Variants in CLASP2 observed in about 807,000 individuals in gnomAD.
CLASP2 encodes CLIP-associating protein 2.
Under a neutral mutation model 194.4 loss-of-function variants are expected in CLASP2, and 47 were observed. The ratio of observed to expected loss-of-function variants is 0.24; its 90% CI spans 0.19 to 0.31. The LOEUF is 0.31. Among genes scored for constraint, CLASP2 ranks in the 10% least tolerant of loss-of-function variants. The probability of loss-of-function intolerance (pLI) is 1.00; values close to 1 mark genes in which losing one functional copy is unlikely to be tolerated. For synonymous variants in CLASP2, 619 were observed against 633.5 expected, an observed-to-expected ratio of 0.98 and a Z score of 0.34; for missense variants, 1,445 against 1,823.6, an observed-to-expected ratio of 0.79 and a Z score of 3.78.
At chr3:33,560,343 A>C (rs1014990369) in intron 28 of CLASP2, among the ~76,000 whole-genome samples, 5 of 151,948 alleles carry the variant, frequency 3.3e-5, no homozygotes, top group Admixed American at 1.3e-4. Flanking sequence ...CCCAGGTTCA[A>C]GCGATTCTCC....
At chr3:33,684,754 CTT>C (rs1433252932) in intron 5 of CLASP2, among the ~76,000 whole-genome samples, 2 of 147,852 alleles carry the variant, frequency 1.4e-5, no homozygotes, top group African/African-American at 2.5e-5. Flanking sequence ...AATCCCAGCA[CTT>C]TGGGAGGCCA....
At chr3:33,574,376 T>C (rs1197765928) in intron 24 of CLASP2, 2 of 726,800 alleles carry the variant, frequency 2.8e-6, no homozygotes, top group East Asian at 5.7e-5. Context: ...ATTTTACTTC[T>C]ACTTTGATTT....
At chr3:33,530,189 C>T (rs976093767) in intron 34 of CLASP2, among the ~76,000 whole-genome samples, 4 of 151,906 alleles carry the variant, frequency 2.6e-5, no homozygotes, top group Non-Finnish European at 5.9e-5. Flanking sequence ...AATACTAAAA[C>T]CAGGCTGTGC....
At chr3:33,610,540 T>C (rs973952651) in intron 13 of CLASP2, among the ~76,000 whole-genome samples, 10 of 152,228 alleles carry the variant, frequency 6.6e-5, no homozygotes, top group African/African-American at 2.4e-4. Flanking sequence ...TGATTTTGTC[T>C]TCTGTCACAT....
intron 6 of CLASP2, among the ~76,000 whole-genome samples, chr3:33,681,210 A>C (rs771458711): frequency 1.6e-4 from 25 of 152,160 alleles, no homozygotes; most frequent in Non-Finnish European, 2.5e-4. Flanking sequence ...ACACACAAAT[A>C]CATATGTTAA....
intron 32 of CLASP2, among the ~76,000 whole-genome samples, chr3:33,542,509 A>T (rs149774679): frequency 2.0e-3 from 301 of 149,676 alleles, no homozygotes; most frequent in African/African-American, 6.9e-3. Flanking sequence ...AAATGTAATA[A>T]ATATATATGA....
intron 3 of CLASP2, chr3:33,689,587 A>G (rs1274121786): frequency 2.8e-6 from 1 of 352,070 alleles, no homozygotes; most frequent in Non-Finnish European, 5.1e-6. Context: ...CATAATCCGT[A>G]TACTGTCAAA....
At chr3:33,660,215 C>T (rs953603030) in intron 7 of CLASP2, among the ~76,000 whole-genome samples, 4 of 152,184 alleles carry the variant, frequency 2.6e-5, no homozygotes, top group Non-Finnish European at 5.9e-5. Flanking sequence ...AGCTCCATAA[C>T]GACACCAGCG....
At chr3:33,501,085 T>C (rs1460247079) in intron 38 of CLASP2, among the ~76,000 whole-genome samples, 1 of 152,146 alleles carries the variant, frequency 6.6e-6, no homozygotes, top group Non-Finnish European at 1.5e-5. Context: ...GTAGTAGCAA[T>C]CAAATGAGAA....
intron 6 of CLASP2, chr3:33,683,641 T>C (rs908052179): frequency 6.6e-6 from 1 of 152,124 alleles, no homozygotes; most frequent in African/African-American, 2.4e-5. Flanking sequence ...TTTCAAAAAT[T>C]TGAACCTATT....
chr3:33,699,872 C>CAAA (rs34347002), intron 1 of CLASP2, among the ~76,000 whole-genome samples: 8 of 93,936 alleles, frequency 8.5e-5, no homozygotes, highest in Non-Finnish European at 1.6e-4. Flanking sequence ...ATTGTACTAC[C>CAAA]AAAAAAAAAA....
chr3:33,715,726 C>G (rs931994086), intron 1 of CLASP2, among the ~76,000 whole-genome samples: 1 of 151,632 alleles, frequency 6.6e-6, no homozygotes, highest in Admixed American at 6.6e-5. Flanking sequence ...ACTACCAATT[C>G]AAAGAAAAAC....
At chr3:33,654,296 G>GCA (rs143826996) in intron 7 of CLASP2, among the ~76,000 whole-genome samples, 2,949 of 152,144 alleles carry the variant, frequency 0.019, 55 homozygotes, top group African/African-American at 0.045. Context: ...GCACATGAGT[G>GCA]CACACACACA....
At chr3:33,616,892 C>T (rs1313399774) in intron 12 of CLASP2, among the ~76,000 whole-genome samples, 1 of 151,630 alleles carries the variant, frequency 6.6e-6, no homozygotes, top group Non-Finnish European at 1.5e-5. Context: ...CATGCACCAT[C>T]ACGCCCAGCT....
Position 33,667,406 on chromosome 3 carries a change from C to CAAAAAAAAAAAAAAAAAAAAA in CLASP2, c.645-3912_645-3892dup, listed in dbSNP as rs537846651. On this transcript the variant is annotated intron_variant, in intron 6 of 38. Transcript: ENST00000682230. ...CCTGGGTGACAGAGTGAGACTATCT[C>CAAAAAAAAAAAAAAAAAAAAA]AAAAAAAAAAAAAAAAAAAAAAGAC... Among the ~76,000 whole-genome samples, 11 of 44,126 alleles carry CAAAAAAAAAAAAAAAAAAAAA rather than the reference C, an allele frequency of 2.5e-4. 1 individual carries two copies. Among genetic ancestry groups the CAAAAAAAAAAAAAAAAAAAAA allele is most frequent in the African/African-American group, 7.5e-4 (7 of 9,296 alleles). The allele number at this position is 44,126 out of a possible 152,430, so 28.9% of individuals were successfully genotyped here.
At chr3:33,566,934 GAGA>G (rs2062842355) in intron 26 of CLASP2, among the ~76,000 whole-genome samples, 200 bp from the exon 27 acceptor site, 1 of 152,186 alleles carries the variant, frequency 6.6e-6, no homozygotes, top group African/African-American at 2.4e-5. Context: ...AATAGTATGG[GAGA>G]AGAACATATG....
At chr3:33,503,281 T>C (rs2047247707) in intron 37 of CLASP2, 1 of 152,186 alleles carries the variant, frequency 6.6e-6, no homozygotes, top group Non-Finnish European at 1.5e-5. Flanking sequence ...ATATTTGGGT[T>C]GTTTTCACCT....
intron 37 of CLASP2, among the ~76,000 whole-genome samples, chr3:33,508,443 G>A (rs529784663): frequency 9.9e-5 from 15 of 152,046 alleles, no homozygotes; most frequent in African/African-American, 3.1e-4. Flanking sequence ...CCATTCTCCC[G>A]CCCCAGCCTC....
intron 6 of CLASP2, among the ~76,000 whole-genome samples, chr3:33,683,922 A>T (rs1313835887): frequency 7.6e-6 from 1 of 131,872 alleles, no homozygotes; most frequent in Non-Finnish European, 1.6e-5. Flanking sequence ...CCTGAGCAAG[A>T]CTCTGTCTCA....
Sources: allele counts gnomAD v4.1 joint callset (sites outside exome capture counted in the v4.1 genomes callset), GRCh38; gene constraint gnomAD v4.1.1; transcripts MANE v1.5; gene names NCBI Gene and HGNC (gene_info 2026-07-23, HGNC 2026-07-21).